The following FAT1 variants were observed in gnomAD, a reference collection of about 807,000 sequenced individuals.
FAT1 encodes the protein protocadherin Fat 1.
FAT1 carries 171 observed loss-of-function variants against 329.8 expected under a neutral mutation model. The ratio of observed to expected loss-of-function variants is 0.52; its 90% CI spans 0.46 to 0.59. The LOEUF is 0.59. Ranked by LOEUF, FAT1 falls within the 20% of genes least tolerant of loss-of-function variation. The pLI, the probability that FAT1 is intolerant of heterozygous loss-of-function variation, is 0.00. For missense variants in FAT1, 5,672 were observed against 5,774.4 expected (o/e 0.98, Z 0.57); for synonymous variants, 2,233 against 2,228.6 (o/e 1.00, Z -0.06).
chr4:186,678,034 C>T (rs1044369310), intron 2 of FAT1, among the ~76,000 whole-genome samples: 7 of 152,132 alleles, frequency 4.6e-5, no homozygotes, highest in African/African-American at 1.7e-4. Flanking sequence ...ATTAAGAGAG[C>T]TGTTCTTTAA....
chr4:186,641,028 T>C (rs547962357), intron 3 of FAT1, among the ~76,000 whole-genome samples: 1 of 152,334 alleles, frequency 6.6e-6, no homozygotes, highest in South Asian at 2.1e-4. Flanking sequence ...ATTAATCTAA[T>C]TTATTTTCTC....
At chr4:186,638,397 G>A (rs747809837) in intron 4 of FAT1, among the ~76,000 whole-genome samples, 3 of 152,164 alleles carry the variant, frequency 2.0e-5, no homozygotes, top group Non-Finnish European at 4.4e-5. Flanking sequence ...CTTCCCATCT[G>A]TTTATCTTTG....
At position 186,709,203 on chromosome 4, in the gene FAT1, T is replaced by C. The variant is rs769256506; in HGVS notation, c.625A>G (p.Arg209Gly). Residue 209 changes from arginine to glycine, a missense_variant, in exon 2 of 27, where the codon AGA becomes GGA. Physicochemically the swap from Arg to Gly is moderately radical, Grantham distance 125. Transcript: ENST00000441802. ...PTSGVIVLTG[R>G]LDYLETKLYE... The stretch of plus-strand genomic sequence containing the variant: ...AGCTTGGTCTCTAGGTAATCAAGTC[T>C]ACCAGTTAACACTATCACACCACTG... The C allele has an allele frequency of 6.2e-7, 1 of 1,613,900 alleles. No homozygotes were observed. Among genetic ancestry groups the C allele is most frequent in the East Asian group, 2.2e-5 (1 of 44,888 alleles).
intron 3 of FAT1, among the ~76,000 whole-genome samples, chr4:186,654,339 T>C: frequency 6.6e-6 from 1 of 152,180 alleles, no homozygotes; most frequent in East Asian, 1.9e-4. Context: ...GAAAGTTCTG[T>C]TCCAGCCCTA....
chr4:186,680,969 C>T (rs1477269032), intron 2 of FAT1, among the ~76,000 whole-genome samples: 1 of 152,150 alleles, frequency 6.6e-6, no homozygotes, highest in East Asian at 1.9e-4. Flanking sequence ...GCCAACCAAA[C>T]CCTAAGAAAG....
chr4:186,630,525 G>A (rs1740535339), intron 7 of FAT1, among the ~76,000 whole-genome samples: 1 of 152,202 alleles, frequency 6.6e-6, no homozygotes, highest in Non-Finnish European at 1.5e-5. Flanking sequence ...ATGAGTGGCA[G>A]GGATGAAGAA....
intron 26 of FAT1, among the ~76,000 whole-genome samples, chr4:186,592,182 C>T (rs1042071776): frequency 6.6e-6 from 1 of 152,150 alleles, no homozygotes; most frequent in African/African-American, 2.4e-5. Flanking sequence ...TGCTCAATGT[C>T]CTTTCTTACA....
chr4:186,674,582 T>C (rs1332753355), intron 2 of FAT1, among the ~76,000 whole-genome samples: 1 of 152,126 alleles, frequency 6.6e-6, no homozygotes, highest in Admixed American at 6.5e-5. Context: ...GGAACTTAAG[T>C]TATAACAACT....
At chr4:186,717,727 C>T (rs972762044) in intron 1 of FAT1, among the ~76,000 whole-genome samples, 6 of 152,170 alleles carry the variant, frequency 3.9e-5, no homozygotes, top group Non-Finnish European at 5.9e-5. Context: ...ATGACGGGTT[C>T]TAGTTGTTCT....
Position 186,636,041 on chromosome 4 carries a change from A to G in FAT1, c.4167T>C (p.Leu1389=). The G allele has an allele frequency of 1.2e-6, 2 of 1,613,978 alleles. No homozygotes were observed. The highest frequency in any genetic ancestry group is 1.7e-6 in the Non-Finnish European group (2 of 1,179,868). The change falls in exon 6 of 27, where the codon CTT becomes CTC. Residue 1389 remains leucine (L), a synonymous_variant. Coordinates refer to ENST00000441802, the MANE Select transcript of FAT1 (RefSeq NM_005245.4). ...AATGCTTACCAGTGATGTCAAACCA[A>G]AGGGGTATGCCAGGAGGCTCCACAG... The part of the protein sequence containing the change: ...VISVEPPGIP[L]WFDITGGNYD...
chr4:186,597,370 AT>A lies in FAT1; in HGVS notation c.12369-200del, dbSNP rs199845529. 9.1e-3 allele frequency: 5,570 copies of A among 610,264 alleles called. 113 individuals are homozygous for A. Among genetic ancestry groups the A allele is most frequent in the Admixed American group, 0.075 (2,221 of 29,588 alleles). 37.8% of individuals were successfully genotyped at this position (610,264 alleles called of 1,614,324 possible). On this transcript the variant is annotated intron_variant, in intron 24 of 26. Coordinates refer to ENST00000441802, the MANE Select transcript of FAT1 (RefSeq NM_005245.4). ...GTGGAGAAACCAATCATGTGATCGC[AT>A]GCTTTTGATGTATATTTGGGAAGGA...
intron 9 of FAT1, among the ~76,000 whole-genome samples, chr4:186,624,408 C>A (rs1415750284): frequency 1.3e-5 from 2 of 152,178 alleles, no homozygotes; most frequent in African/African-American, 2.4e-5. Context: ...CGTTGACTCT[C>A]AAGGCAATTA....
chr4:186,606,492 A>C (rs999715221), intron 16 of FAT1, among the ~76,000 whole-genome samples: 37 of 152,230 alleles, frequency 2.4e-4, no homozygotes, highest in African/African-American at 8.9e-4. Context: ...TTCTATTAAC[A>C]GAAACTAAGA....
At chr4:186,722,132 C>T (rs1745494687) in intron 1 of FAT1, among the ~76,000 whole-genome samples, 2 of 152,196 alleles carry the variant, frequency 1.3e-5, no homozygotes, top group South Asian at 4.1e-4. Context: ...GGCACTACGC[C>T]CGGCCATAAT....
chr4:186,632,221 A>C (rs1416810008), intron 7 of FAT1, among the ~76,000 whole-genome samples: 1 of 152,216 alleles, frequency 6.6e-6, no homozygotes, highest in African/African-American at 2.4e-5. Context: ...GCACTAATTA[A>C]AAATATAATT....
chr4:186,711,402 A>C (rs1744944539), intron 1 of FAT1, among the ~76,000 whole-genome samples: 1 of 151,536 alleles, frequency 6.6e-6, no homozygotes, highest in African/African-American at 2.4e-5. Context: ...ATAAGAAAAC[A>C]ATTTTCTCCC....
rs1738929216 is a variant in FAT1, at chr4:186,603,576, G to A, written c.10950C>T (p.Leu3650=). 2 of 1,613,994 alleles carry A rather than the reference G, an allele frequency of 1.2e-6. No homozygotes were observed. Among genetic ancestry groups the A allele is most frequent in the African/African-American group, 1.3e-5 (1 of 75,028 alleles). Residue 3650 remains leucine, a synonymous_variant, in exon 19 of 27, where the codon CTC becomes CTT. Transcript: ENST00000441802. ...AGTCACCAACGAATTCTTCCGGAGT[G>A]AGGTTGGCAAAGCGGATCGCGATGG... ...NHTIAIRFAN[L]TPEEFVGDYW...
chr4:186,715,000 C>T (rs1235419315), intron 1 of FAT1, among the ~76,000 whole-genome samples: 1 of 152,074 alleles, frequency 6.6e-6, no homozygotes, highest in East Asian at 1.9e-4. Flanking sequence ...ATCGCGTGAA[C>T]AAGGGAGACG....
At chr4:186,714,425 G>A (rs977848722) in intron 1 of FAT1, among the ~76,000 whole-genome samples, 1 of 152,090 alleles carries the variant, frequency 6.6e-6, no homozygotes, top group African/African-American at 2.4e-5. Flanking sequence ...TTTTGGACAG[G>A]GTAAGATGGG....
Sources: gnomAD v4.1 joint callset for allele counts (sites outside exome capture counted in the v4.1 genomes callset) on GRCh38, gnomAD v4.1.1 for gene constraint, MANE v1.5 for transcripts, NCBI Gene and HGNC (gene_info 2026-07-23, HGNC 2026-07-21) for gene names.